Variants in KIFC3 observed in about 807,000 individuals in gnomAD.
KIFC3 encodes kinesin-like protein KIFC3.
In KIFC3, 60 loss-of-function variants were observed where a neutral mutation model predicts 101.8. The ratio of observed to expected loss-of-function variants is 0.59; its 90% CI spans 0.48 to 0.73. KIFC3 has a LOEUF of 0.73. KIFC3 is among the 30% of genes least tolerant of loss of function. The probability of loss-of-function intolerance (pLI) is 0.00; values close to 1 mark genes in which losing one functional copy is unlikely to be tolerated. For missense variants in KIFC3, 966 were observed against 1,137.1 expected, an observed-to-expected ratio of 0.85 and a Z score of 2.16; for synonymous variants, 476 against 482.7, an observed-to-expected ratio of 0.99 and a Z score of 0.18.
rs567541835 is a variant in KIFC3 at position 57,829,966 on chromosome 16, T to C, written c.109-31684A>G. 1.2e-4 allele frequency among the ~76,000 whole-genome samples: 18 copies of C among 152,318 alleles called. No individual in the cohort carries two copies. In the South Asian group the frequency reaches 3.5e-3, roughly 30 times the overall value. ...GAACAAGGCAAGCCGGGAAACATGC[T>C]TGCCCCTCAACTGGGAGAGGCAAGA... On this transcript the variant is annotated intron_variant, in intron 1 of 2. Transcript: ENST00000563028.
rs1178464827 is a variant in KIFC3 at position 57,769,529 on chromosome 16, T to C, written c.1218+66A>G. ...CTGAGCTTTGGAGGGACGCCCTGAG[T>C]GGATGTCGTGCCTCTCCCAGTGCAC... On this transcript the variant is annotated intron_variant, in intron 9 of 19. Coordinates refer to ENST00000445690, the MANE Select transcript of KIFC3 (RefSeq NM_001130100.2). This position sits in a 1 kb window ranked among gnomAD's most constrained non-coding sequence, Gnocchi z 4.3. 15 of 1,543,414 alleles carry C rather than the reference T, an allele frequency of 9.7e-6. No homozygotes were observed. The Admixed American group carries it at 2.1e-4, about 22-fold the overall frequency.
chr16:57,811,087 AAGCCTGATCCAAGGGC>A (rs2149258686), intron 1 of KIFC3, among the ~76,000 whole-genome samples: 1 of 152,268 alleles, frequency 6.6e-6, no homozygotes, highest in South Asian at 2.1e-4. Flanking sequence ...TGCTTGCTGA[AAGCCTGATCCAAGGGC>A]AGGAGCATCC....
intron 3 of KIFC3, among the ~76,000 whole-genome samples, chr16:57,786,853 G>A (rs1294131265): frequency 6.6e-6 from 1 of 152,148 alleles, no homozygotes; most frequent in Non-Finnish European, 1.5e-5. Flanking sequence ...GCAGCTGGGC[G>A]GGGACATCTC....
chr16:57,816,702 C>T (rs1555628910), intron 1 of KIFC3: 1 of 456,668 alleles, frequency 2.2e-6, no homozygotes, highest in African/African-American at 2.0e-5. Flanking sequence ...AGGGCACCCC[C>T]ACCAACCTCA....
Position 57,802,074 on chromosome 16 carries a change from G to C in KIFC3, c.-40+296C>G, listed in dbSNP as rs1390426698. Among the ~76,000 whole-genome samples, 1 of 152,252 alleles carries C rather than the reference G, an allele frequency of 6.6e-6. No individual in the cohort carries two copies. The highest frequency in any genetic ancestry group is 6.5e-5 in the Admixed American group (1 of 15,294). ...CCGATTGACAAGCCCATCCCGGGTAGGGTCTGCGCTCTTCTCGTTCAATAA... is the reference window on the plus strand; with the variant it reads ...CCGATTGACAAGCCCATCCCGGGTACGGTCTGCGCTCTTCTCGTTCAATAA... On this transcript the variant is annotated intron_variant, in intron 1 of 19. Coordinates refer to ENST00000445690, the MANE Select transcript of KIFC3 (RefSeq NM_001130100.2). This position sits in a 1 kb window ranked among gnomAD's most constrained non-coding sequence, Gnocchi z 5.0.
At chr16:57,803,012 T>G, upstream of KIFC3, 1 of 1,535,914 alleles carries the variant, frequency 6.5e-7, no homozygotes, top group Non-Finnish European at 8.7e-7. Flanking sequence ...CTGGCGCACA[T>G]GCACTCACAC....
chr16:57,814,584 G>A (rs1478399626), intron 1 of KIFC3, among the ~76,000 whole-genome samples: 6 of 151,990 alleles, frequency 3.9e-5, no homozygotes, highest in African/African-American at 1.5e-4. Context: ...TGTTACAGAT[G>A]AAGAAACTGT....
At chr16:57,847,818 C>T (rs1320819411) in intron 1 of KIFC3, among the ~76,000 whole-genome samples, 1 of 149,658 alleles carries the variant, frequency 6.7e-6, no homozygotes, top group Non-Finnish European at 1.5e-5. Context: ...CCGAGTCTCA[C>T]TCTGTTGCCC....
intron 3 of KIFC3, chr16:57,776,022 G>A (rs1425422891): frequency 1.2e-5 from 12 of 985,310 alleles, no homozygotes; most frequent in Admixed American, 1.2e-4. Flanking sequence ...GAAGCGGCTC[G>A]ACCAAGGGTG....
At chr16:57,846,591 G>C (rs2055924917) in intron 1 of KIFC3, 1 of 152,274 alleles carries the variant, frequency 6.6e-6, no homozygotes, top group South Asian at 2.1e-4. Flanking sequence ...GCTGCTCGCA[G>C]ACAGCCCATC....
intron 1 of KIFC3, among the ~76,000 whole-genome samples, chr16:57,847,267 G>GAAGT (rs2055948883): frequency 1.0e-5 from 1 of 99,662 alleles, no homozygotes; most frequent in East Asian, 2.5e-4. Flanking sequence ...AGGAAGGAAG[G>GAAGT]AAGGGAAGGG....
intron 1 of KIFC3, among the ~76,000 whole-genome samples, chr16:57,800,261 C>T (rs1209528006): frequency 6.6e-6 from 1 of 152,158 alleles, no homozygotes; most frequent in Non-Finnish European, 1.5e-5. Context: ...CTTAGAACAA[C>T]TAGGAGGCTC....
upstream of KIFC3, chr16:57,807,537 A>G (rs2054964511): frequency 6.6e-6 from 1 of 152,272 alleles, no homozygotes; most frequent in Admixed American, 6.5e-5. Context: ...ATTTAAACTA[A>G]TGGTACTTTT....
At chr16:57,775,121 C>A in intron 3 of KIFC3, 1 of 1,399,218 alleles carries the variant, frequency 7.1e-7, no homozygotes. Flanking sequence ...TCTGTCCTTG[C>A]ATCACAATGG....
intron 17 of KIFC3, 68 bp downstream of exon 17, chr16:57,760,214 T>G: frequency 6.5e-7 from 1 of 1,547,878 alleles, no homozygotes; most frequent in South Asian, 1.2e-5. Context: ...CCCAGCTCCC[T>G]GCTCCTGCCA....
chr16:57,809,762 G>A (rs1270076156), intron 1 of KIFC3, among the ~76,000 whole-genome samples: 2 of 152,194 alleles, frequency 1.3e-5, no homozygotes, highest in African/African-American at 4.8e-5. Context: ...TTACACTGTC[G>A]TTGGCAGCAT....
chr16:57,846,685 A>G (rs2055927227), intron 1 of KIFC3: 1 of 152,264 alleles, frequency 6.6e-6, no homozygotes, highest in Non-Finnish European at 1.5e-5. Flanking sequence ...CAGCTGGTTC[A>G]AGGCTGTACA....
At chr16:57,851,364 C>T (rs2056054061) in intron 1 of KIFC3, among the ~76,000 whole-genome samples, 1 of 152,130 alleles carries the variant, frequency 6.6e-6, no homozygotes. Context: ...AAAATTTCCT[C>T]AACTTCATCT....
At chr16:57,790,846 A>G in intron 3 of KIFC3, 1 of 879,756 alleles carries the variant, frequency 1.1e-6, no homozygotes, top group Non-Finnish European at 1.4e-6. Context: ...GAAAAGTGAC[A>G]TCAGCAGGCT....
Sources: gnomAD v4.1 joint callset for allele counts (sites outside exome capture counted in the v4.1 genomes callset) on GRCh38, gnomAD v4.1.1 for gene constraint, Gnocchi (gnomAD v3.1) non-coding constraint, MANE v1.5 for transcripts, NCBI Gene and HGNC (gene_info 2026-07-23, HGNC 2026-07-21) for gene names.